Variants in HOMER2 observed in about 807,000 individuals in gnomAD.
HOMER2 encodes homer protein homolog 2.
A neutral mutation model predicts 47.0 loss-of-function variants in HOMER2; 27 were observed. The ratio of observed to expected loss-of-function variants is 0.57; its 90% CI spans 0.42 to 0.79. The LOEUF is 0.79. Ranked by LOEUF, HOMER2 falls within the 30% of genes least tolerant of loss-of-function variation. HOMER2 has a pLI of 0.00. For synonymous variants in HOMER2, 161 were observed against 163.8 expected (o/e 0.98, Z 0.13); for missense variants, 443 against 435.0 (o/e 1.02, Z -0.16).
At chr15:82,975,427 G>A (rs114022083) in intron 1 of HOMER2, among the ~76,000 whole-genome samples, 5,223 of 152,204 alleles carry the variant, frequency 0.034, 271 homozygotes, top group African/African-American at 0.12. Context: ...GCTGCAGCAC[G>A]GTTCACAATA....
intron 1 of HOMER2, among the ~76,000 whole-genome samples, chr15:82,941,551 G>A (rs1392482023): frequency 6.7e-6 from 1 of 150,224 alleles, no homozygotes; most frequent in Admixed American, 6.7e-5. Flanking sequence ...AGTATAGTGC[G>A]CTCCTGCCAC....
At chr15:82,863,088 T>C (rs1438441770) in intron 4 of HOMER2, among the ~76,000 whole-genome samples, 7 of 152,128 alleles carry the variant, frequency 4.6e-5, no homozygotes. Flanking sequence ...CTGCAGCTAC[T>C]GCCCCTGTGA....
At chr15:82,847,588 C>A (rs917028840), downstream of HOMER2, among the ~76,000 whole-genome samples, 1 of 152,228 alleles carries the variant, frequency 6.6e-6, no homozygotes, top group Admixed American at 6.5e-5. Flanking sequence ...CTGGAGTTTT[C>A]TAAAGTCACT....
intron 3 of HOMER2, among the ~76,000 whole-genome samples, chr15:82,868,523 T>TTATATATATATATATATATA (rs1244361918): frequency 2.5e-4 from 9 of 36,638 alleles, no homozygotes; most frequent in East Asian, 1.0e-3. Context: ...CTTATTTATT[T>TTATATATATATATATATATA]TATATATATA....
chr15:82,949,269 G>A lies in HOMER2; in HGVS notation c.5+3262C>T, dbSNP rs558801946. Among the ~76,000 whole-genome samples, 3 of 152,344 alleles carry A rather than the reference G, an allele frequency of 2.0e-5. No homozygotes were observed. The South Asian group carries it at 6.2e-4, about 32-fold the overall frequency. On this transcript the variant is annotated intron_variant, in intron 1 of 8. Coordinates refer to ENST00000450735, the MANE Select transcript of HOMER2 (RefSeq NM_004839.4). ...CATATCGATGGCATTTGAAGCCATGGGAGGGTGGGGAGGAGTTGCAGGTGG... is the reference window on the plus strand; with the variant it reads ...CATATCGATGGCATTTGAAGCCATGAGAGGGTGGGGAGGAGTTGCAGGTGG...
At chr15:82,874,104 A>G (rs1379673582) in intron 3 of HOMER2, among the ~76,000 whole-genome samples, 1 of 152,216 alleles carries the variant, frequency 6.6e-6, no homozygotes, top group Non-Finnish European at 1.5e-5. Flanking sequence ...AAATTTGTGA[A>G]GCCCTGGAAC....
intron 1 of HOMER2, among the ~76,000 whole-genome samples, chr15:82,976,685 T>TG (rs1876579497): frequency 6.7e-6 from 1 of 149,666 alleles, no homozygotes; most frequent in Non-Finnish European, 1.5e-5. Context: ...GTGGTTTTTT[T>TG]TTTTTTTTTT....
In HOMER2 at chr15:82,874,655, T is replaced by A. The variant is rs1373861344; in HGVS notation, c.294+618A>T. On this transcript the variant is annotated intron_variant, in intron 3 of 8. Transcript: ENST00000450735. ...AAAGTAACATACACACACCACTGTG[T>A]GGCATTTTAAGGCACGTGGGGAGTC... is the stretch of plus-strand genomic sequence containing the variant. Among the ~76,000 whole-genome samples, 7 of 152,188 alleles carry A rather than the reference T, an allele frequency of 4.6e-5. No individual in the cohort carries two copies. The South Asian group carries it at 1.0e-3, about 23-fold the overall frequency.
intron 1 of HOMER2, among the ~76,000 whole-genome samples, chr15:82,928,939 C>CTAAAAAAAAAAAAAAAAAA (rs2053925106): frequency 5.3e-5 from 1 of 18,696 alleles, no homozygotes; most frequent in Non-Finnish European, 8.8e-5. Context: ...AAAATAAAAA[C>CTAAAAAAAAAAAAAAAAAA]TAAAAAAAAA....
chr15:82,864,546 G>T (rs1050718520), intron 3 of HOMER2, among the ~76,000 whole-genome samples: 1 of 152,064 alleles, frequency 6.6e-6, no homozygotes, highest in African/African-American at 2.4e-5. Context: ...TACCACAAAA[G>T]AAATCCACGG....
chr15:82,917,416 T>C (rs887094295), intron 1 of HOMER2, among the ~76,000 whole-genome samples: 1 of 152,114 alleles, frequency 6.6e-6, no homozygotes, highest in Admixed American at 6.5e-5. Flanking sequence ...GCCCTTTATC[T>C]TGGGGAAATA....
upstream of HOMER2, among the ~76,000 whole-genome samples, chr15:82,956,195 G>C (rs1381454394): frequency 6.7e-6 from 1 of 148,304 alleles, no homozygotes; most frequent in Non-Finnish European, 1.5e-5. Flanking sequence ...AGCTGAGATT[G>C]CATCACTGCA....
Position 82,938,927 on chromosome 15 carries a change from A to G in HOMER2, c.5+13604T>C, listed in dbSNP as rs1051558286. On this transcript the variant is annotated intron_variant, in intron 1 of 8. Transcript: ENST00000450735. ...CTCCTCCAGCCTTCCTCTGAGTCTC[A>G]TCACCTCTCAGGCTCATTCACCGGC... is the stretch of plus-strand genomic sequence containing the variant. 8.9e-4 allele frequency among the ~76,000 whole-genome samples: 135 copies of G among 152,124 alleles called. 1 individual carries two copies. Among genetic ancestry groups the G allele is most frequent in the Non-Finnish European group, 2.9e-4 (20 of 67,994 alleles).
intron 3 of HOMER2, among the ~76,000 whole-genome samples, chr15:82,874,255 G>C (rs141610122): frequency 7.6e-4 from 116 of 152,326 alleles, no homozygotes; most frequent in Middle Eastern, 3.4e-3. Flanking sequence ...GCTGCCAGAA[G>C]CAAGTCTGGC....
rs149842198 is a variant in HOMER2, at chr15:82,960,026, G to A, written n.83-718C>T. On this transcript the variant is annotated intron_variant and non_coding_transcript_variant, in intron 1 of 1. Coordinates refer to the HOMER2 transcript ENST00000500334. ...ATTGGCAGCAGCACAACGAGAAGGTGCCTGTGTGTATATCTGGAAAGCTGG... is the reference window on the plus strand; with the variant it reads ...ATTGGCAGCAGCACAACGAGAAGGTACCTGTGTGTATATCTGGAAAGCTGG... Among the ~76,000 whole-genome samples, 9 of 152,340 alleles carry A rather than the reference G, an allele frequency of 5.9e-5. No individual in the cohort carries two copies. In the East Asian group the frequency reaches 1.7e-3, roughly 29 times the overall value.
chr15:82,859,051 G>A lies in HOMER2; in HGVS notation c.472C>T (p.Leu158=). The A allele has an allele frequency of 6.2e-7, 1 of 1,613,938 alleles. No homozygotes were observed. Among genetic ancestry groups the A allele is most frequent in the Non-Finnish European group, 8.5e-7 (1 of 1,179,858 alleles). Residue 158 remains leucine (L), a synonymous_variant, in exon 5 of 9, where the codon CTG becomes TTG. Transcript: ENST00000450735. ...NTHLKSENDK[L]KIALTQSAAN... ...TACCTCTGCGTCAAGGCAATCTTCA[G>A]CTTGTCATTCTCAGACTTCAGGTGT...
At chr15:82,969,142 G>A (rs1299378335) in intron 1 of HOMER2, among the ~76,000 whole-genome samples, 4 of 152,214 alleles carry the variant, frequency 2.6e-5, no homozygotes, top group Admixed American at 2.6e-4. Flanking sequence ...GCTTAAAACT[G>A]CACTGCATCG....
chr15:82,853,257 CACTCCCCCCGCA>C (rs142534654), intron 6 of HOMER2, among the ~76,000 whole-genome samples: 46,786 of 152,026 alleles, frequency 0.31, 7,397 homozygotes, highest in East Asian at 0.44. Context: ...GCTCTTCCTC[CACTCCCCCCGCA>C]CTGCTGCTGG....
chr15:82,834,867 G>A (rs1451445507), downstream of HOMER2: 1 of 152,128 alleles, frequency 6.6e-6, no homozygotes, highest in Non-Finnish European at 1.5e-5. Context: ...ACTAAGGATG[G>A]AGCAATAGTG....
Sources: gnomAD v4.1 joint callset for allele counts (sites outside exome capture counted in the v4.1 genomes callset) on GRCh38, gnomAD v4.1.1 for gene constraint, MANE v1.5 for transcripts, NCBI Gene and HGNC (gene_info 2026-07-23, HGNC 2026-07-21) for gene names.